MYO18A: variants seen among roughly 807,000 people sequenced by gnomAD.
The protein encoded by MYO18A is myosin XVIIIA.
MYO18A carries 78 observed loss-of-function variants against 235.8 expected under a neutral mutation model. The ratio of observed to expected loss-of-function variants is 0.33; its 90% confidence interval spans 0.28 to 0.40. MYO18A has a LOEUF of 0.40. MYO18A is among the 10% of genes least tolerant of loss of function. MYO18A has a pLI of 1.00. For synonymous variants in MYO18A, 977 were observed against 1,077.8 expected (o/e 0.91, Z 1.83); for missense variants, 2,215 against 2,699.3 (o/e 0.82, Z 3.98).
intron 20 of MYO18A, among the ~76,000 whole-genome samples, chr17:29,103,899 C>G (rs2152802486): frequency 6.6e-6 from 1 of 152,356 alleles, no homozygotes; most frequent in Middle Eastern, 3.4e-3. Context: ...GCAGTGCCCA[C>G]AGGAGGTCGC....
chr17:29,151,921 G>C (rs75329353), intron 2 of MYO18A, among the ~76,000 whole-genome samples: 2,403 of 152,274 alleles, frequency 0.016, 77 homozygotes, highest in African/African-American at 0.054. Context: ...TCACCAACTA[G>C]ATGAAGCAAA....
chr17:29,123,740 T>C (rs2152866730), intron 2 of MYO18A, among the ~76,000 whole-genome samples: 1 of 152,346 alleles, frequency 6.6e-6, no homozygotes, highest in African/African-American at 2.4e-5. Flanking sequence ...TTCTTTATAT[T>C]TGAAGAACTA....
chr17:29,085,525 C>A lies in MYO18A; in HGVS notation c.5897+79G>T, dbSNP rs2066231878. The A allele has an allele frequency of 2.2e-6, 3 of 1,344,546 alleles. No individual in the cohort carries two copies. In the Admixed American group the frequency reaches 5.4e-5, roughly 24 times the overall value. The allele number at this position is 1,344,546 out of a possible 1,614,324, so 83.3% of individuals were successfully genotyped here. On this transcript the variant is annotated intron_variant, in intron 40 of 41. Transcript: ENST00000527372. ...TGTATCCACATGCTGCGTGCAGCGG[C>A]CCCAGGGTGGGAGCCAGTGTTAGGG...
chr17:29,118,165 GA>G lies in MYO18A; in HGVS notation c.1917del (p.Gln640SerfsTer10). The G allele has an allele frequency of 6.3e-7, 1 of 1,599,732 alleles. No homozygotes were observed. The highest frequency in any genetic ancestry group is 8.5e-7 in the Non-Finnish European group (1 of 1,172,414). On this transcript the variant is annotated frameshift_variant, in exon 10 of 42. Coordinates refer to ENST00000527372, the MANE Select transcript of MYO18A (RefSeq NM_078471.4). LOFTEE classifies it high-confidence loss of function. This position sits in a 1 kb window ranked among gnomAD's most constrained non-coding sequence, Gnocchi z 4.2. Reference sequence around the variant, plus strand: ...GCCGCCTGCAGCTTACTAAACTGCTGAGCTGCCTTCTGCTTTTCCTCAGGCT... The same window carrying G: ...GCCGCCTGCAGCTTACTAAACTGCTGGCTGCCTTCTGCTTTTCCTCAGGCT... Reference protein sequence around the residue: ...LAKPEEKQKAAQQFSKLQAAM... With the variant: ...LAKPEEKQKAXQQFSKLQAAM...
In MYO18A at chr17:29,071,600, G is replaced by A. The variant is rs2065884466; in HGVS notation, c.*3170C>T. The A allele has an allele frequency of 6.6e-6, 1 of 152,194 alleles. No homozygotes were observed. The highest frequency in any genetic ancestry group is 1.5e-5 in the Non-Finnish European group (1 of 68,034). 9.4% of individuals were successfully genotyped at this position (152,194 alleles called of 1,614,324 possible). On this transcript the variant is annotated 3_prime_UTR_variant, in exon 42 of 42. Transcript: ENST00000527372. ...TTTCCCAGCAACTGTACCTGTGGAA[G>A]TGCTATTTTCAAGCCCTGGTCAAAA... is the stretch of plus-strand genomic sequence containing the variant.
In MYO18A at chr17:29,073,954, G is replaced by A. The variant is rs748771030; in HGVS notation, c.*816C>T. ...GATCAGCCCTGAACTGCTGTAGTTG[G>A]AATGGGTTTACCTTAAATAGGTCAT... On this transcript the variant is annotated 3_prime_UTR_variant, in exon 42 of 42. Transcript: ENST00000527372. 3 of 1,614,034 alleles carry A rather than the reference G, an allele frequency of 1.9e-6. No homozygotes were observed. The highest frequency in any genetic ancestry group is 2.5e-6 in the Non-Finnish European group (3 of 1,179,988).
chr17:29,090,774 G>T lies in MYO18A; in HGVS notation c.5304+36C>A, dbSNP rs200959334. ...TGAGGAGGACCACAAGGATGGTGAC[G>T]GTGCAGAGTGTGACGGGCACTCCTG... On this transcript the variant is annotated intron_variant, in intron 35 of 41. Coordinates refer to ENST00000527372, the MANE Select transcript of MYO18A (RefSeq NM_078471.4). 3 of 1,581,658 alleles carry T rather than the reference G, an allele frequency of 1.9e-6. No individual in the cohort carries two copies. In the South Asian group the frequency reaches 3.3e-5, roughly 18 times the overall value.
chr17:29,177,490 C>T (rs1010845895), intron 1 of MYO18A, among the ~76,000 whole-genome samples: 4 of 152,122 alleles, frequency 2.6e-5, no homozygotes, highest in African/African-American at 9.7e-5. Context: ...GGTCTGCTCA[C>T]CACCCCTCCC....
At chr17:29,080,418 C>G in intron 41 of MYO18A, 4 of 986,122 alleles carry the variant, frequency 4.1e-6, no homozygotes, top group Non-Finnish European at 3.6e-6. Context: ...GCGAGCAGGC[C>G]TCGCTCAGGG....
chr17:29,099,654 G>C lies in MYO18A; in HGVS notation c.3616C>G (p.Gln1206Glu). 6.2e-7 allele frequency: 1 copy of C among 1,613,762 alleles called. No homozygotes were observed. The highest frequency in any genetic ancestry group is 1.7e-4 in the Middle Eastern group (1 of 6,018). ...AGCACCTTTCTCTTCTTGAAGTGCTGGCGGGCCAGGTAGCCCCTGCAGGCT... is the reference window on the plus strand; with the variant it reads ...AGCACCTTTCTCTTCTTGAAGTGCTCGCGGGCCAGGTAGCCCCTGCAGGCT... Reference protein sequence around the residue: ...QAACRGYLARQHFKKRKIQDL... With the variant: ...QAACRGYLAREHFKKRKIQDL... The change falls in exon 22 of 42, where the codon CAG becomes GAG. Residue 1206 changes from glutamine to glutamate, a missense_variant. Physicochemically the swap from Gln to Glu is conservative, Grantham distance 29. Transcript: ENST00000527372.
intron 33 of MYO18A, 69 bp downstream of exon 33, chr17:29,092,786 A>C: frequency 6.4e-7 from 1 of 1,569,502 alleles, no homozygotes; most frequent in Non-Finnish European, 8.7e-7. Flanking sequence ...GAGAGGAGCG[A>C]GAGAGAGAAA....
intron 41 of MYO18A, chr17:29,078,608 T>C (rs931016958): frequency 2.6e-5 from 4 of 152,242 alleles, no homozygotes; most frequent in Non-Finnish European, 5.9e-5. Flanking sequence ...TCGGGGGACA[T>C]ACCTCCTGGG....
At chr17:29,133,647 C>T (rs555651674) in intron 2 of MYO18A, 124 of 474,264 alleles carry the variant, frequency 2.6e-4, no homozygotes, top group Middle Eastern at 3.4e-4. Context: ...CACCAGCCCC[C>T]GTCATTCTCC....
intron 2 of MYO18A, among the ~76,000 whole-genome samples, chr17:29,142,477 A>G (rs2067762856): frequency 6.6e-6 from 1 of 152,230 alleles, no homozygotes; most frequent in Admixed American, 6.5e-5. Flanking sequence ...AGACTGGTAC[A>G]TAATGTATGT....
rs755991143 is a variant in MYO18A, at chr17:29,085,633, C to T, written c.5868G>A (p.Val1956=). The T allele has an allele frequency of 5.6e-6, 9 of 1,614,036 alleles. No homozygotes were observed. The South Asian group carries it at 9.9e-5, about 18-fold the overall frequency. Residue 1956 remains valine (V), a synonymous_variant, in exon 40 of 42, where the codon GTG becomes GTA. Coordinates refer to ENST00000527372, the MANE Select transcript of MYO18A (RefSeq NM_078471.4). ...EDLINSLQDM[V]TKYQKRKNKL... is the part of the protein sequence containing the mutation. ...TATTCTTTCTTTTCTGATACTTTGT[C>T]ACCATGTCCTGCAAACTGGAAATAG... is the stretch of plus-strand genomic sequence containing the variant.
intron 2 of MYO18A, among the ~76,000 whole-genome samples, chr17:29,146,127 A>T (rs1490001702): frequency 6.6e-6 from 1 of 152,122 alleles, no homozygotes; most frequent in Non-Finnish European, 1.5e-5. Context: ...GCGTGGTGGC[A>T]TGTGCCTGTA....
intron 37 of MYO18A, among the ~76,000 whole-genome samples, chr17:29,087,786 C>T (rs1020559538): frequency 5.9e-5 from 9 of 152,038 alleles, no homozygotes; most frequent in Non-Finnish European, 1.0e-4. Context: ...AGGATTGGGC[C>T]GTTTGTGTTT....
At chr17:29,177,481 G>A (rs932060450) in intron 1 of MYO18A, among the ~76,000 whole-genome samples, 17 of 152,064 alleles carry the variant, frequency 1.1e-4, no homozygotes, top group African/African-American at 3.6e-4. Context: ...GGCTCACCAG[G>A]TCTGCTCACC....
At chr17:29,085,517 T>C (rs1447039101) in intron 40 of MYO18A, 87 bp downstream of exon 40, 7 of 1,216,206 alleles carry the variant, frequency 5.8e-6, no homozygotes, top group Non-Finnish European at 8.4e-6. Flanking sequence ...ACATGCTGCG[T>C]GCAGCGGCCC....
Sources: allele counts gnomAD v4.1 joint callset (sites outside exome capture counted in the v4.1 genomes callset), GRCh38; gene constraint gnomAD v4.1.1; non-coding constraint Gnocchi (gnomAD v3.1); transcripts MANE v1.5; gene names NCBI Gene and HGNC (gene_info 2026-07-23, HGNC 2026-07-21).